ARHGAP35: variants seen among roughly 807,000 people sequenced by gnomAD.
ARHGAP35 encodes Rho GTPase activating protein 35.
In ARHGAP35, 15 loss-of-function variants were observed where a neutral mutation model predicts 111.1. That is an observed-to-expected ratio of 0.13 (90% confidence interval 0.09 to 0.21). The LOEUF (loss-of-function observed/expected upper bound fraction) is 0.21. Ranked by LOEUF, ARHGAP35 falls within the 10% of genes least tolerant of loss-of-function variation. The probability of loss-of-function intolerance (pLI) is 1.00; values close to 1 mark genes in which losing one functional copy is unlikely to be tolerated. For missense variants in ARHGAP35, 1,262 were observed against 1,873.0 expected, an observed-to-expected ratio of 0.67 and a Z score of 6.02; for synonymous variants, 643 against 710.3, an observed-to-expected ratio of 0.91 and a Z score of 1.51.
chr19:46,901,662 G>A lies in ARHGAP35; in HGVS notation c.-188-16826G>A, dbSNP rs529036317. Among the ~76,000 whole-genome samples the A allele has an allele frequency of 2.6e-5, 4 of 152,276 alleles. No homozygotes were observed. In the South Asian group the frequency reaches 6.2e-4, roughly 24 times the overall value. ...CGCGTAAGGCTGTGGGGATCCAGGC[G>A]ATCTAGATTCCCTGGCAGCAGATAC... On this transcript the variant is annotated intron_variant, in intron 1 of 6. Transcript: ENST00000672722. The surrounding 1 kb of genome is among the most constrained non-coding windows in gnomAD (Gnocchi z 4.5).
chr19:46,869,498 G>GTGTGTGTGTGTATTTGCAT (rs2055876526), intron 1 of ARHGAP35, among the ~76,000 whole-genome samples: 1 of 149,718 alleles, frequency 6.7e-6, no homozygotes, highest in Non-Finnish European at 1.5e-5. Context: ...GTGTGTGTGT[G>GTGTGTGTGTGTATTTGCAT]TGTGTGTGTG....
chr19:46,935,126 C>T (rs1179964919), intron 2 of ARHGAP35, among the ~76,000 whole-genome samples: 1 of 152,142 alleles, frequency 6.6e-6, no homozygotes, highest in Non-Finnish European at 1.5e-5. Flanking sequence ...AGCCTGTTTG[C>T]TTCAGTCTAT....
intron 1 of ARHGAP35, among the ~76,000 whole-genome samples, chr19:46,861,494 G>A (rs1276942767): frequency 7.1e-6 from 1 of 140,956 alleles, no homozygotes; most frequent in Non-Finnish European, 1.5e-5. Flanking sequence ...TGGGATCTCG[G>A]TGTCTGCCTC....
At chr19:46,932,395 C>T (rs1000523552) in intron 2 of ARHGAP35, among the ~76,000 whole-genome samples, 3 of 152,150 alleles carry the variant, frequency 2.0e-5, no homozygotes, top group Non-Finnish European at 4.4e-5. Context: ...TAAGTGCCTC[C>T]GGAAGAAGAT....
chr19:46,975,174 G>A (rs373968676), intron 3 of ARHGAP35, among the ~76,000 whole-genome samples: 5 of 152,160 alleles, frequency 3.3e-5, no homozygotes, highest in East Asian at 3.8e-4. Flanking sequence ...CTGGCCAGAA[G>A]GGGCTTGTTA....
intron 1 of ARHGAP35, among the ~76,000 whole-genome samples, chr19:46,873,474 A>G (rs2055898712): frequency 6.6e-6 from 1 of 151,834 alleles, no homozygotes; most frequent in Admixed American, 6.6e-5. Context: ...CTCTACTAAA[A>G]ATACAAAAAA....
chr19:46,941,012 G>C (rs1416893835), intron 3 of ARHGAP35, among the ~76,000 whole-genome samples: 1 of 147,114 alleles, frequency 6.8e-6, no homozygotes, highest in Non-Finnish European at 1.5e-5. Flanking sequence ...CAGCAAGACT[G>C]TTACTATGCC....
At chr19:46,890,954 T>G (rs1275325533) in intron 1 of ARHGAP35, among the ~76,000 whole-genome samples, 1 of 152,182 alleles carries the variant, frequency 6.6e-6, no homozygotes, top group African/African-American at 2.4e-5. Flanking sequence ...TGGAAATGAT[T>G]GGGTTGTGGC....
intron 1 of ARHGAP35, among the ~76,000 whole-genome samples, chr19:46,861,413 C>A (rs1014060138): frequency 6.7e-6 from 1 of 149,794 alleles, no homozygotes; most frequent in African/African-American, 2.5e-5. Context: ...GTGGGGCCCT[C>A]CTGCCCTTTG....
chr19:46,873,636 C>CAA (rs370925647), intron 1 of ARHGAP35, among the ~76,000 whole-genome samples: 1,339 of 131,738 alleles, frequency 0.01, 19 homozygotes, highest in South Asian at 8.6e-3. Flanking sequence ...GACTCTTTCT[C>CAA]AAAAAAAAAA....
chr19:46,959,288 T>G (rs1157830840), intron 3 of ARHGAP35, among the ~76,000 whole-genome samples: 1 of 152,072 alleles, frequency 6.6e-6, no homozygotes, highest in African/African-American at 2.4e-5. Flanking sequence ...GGTCTCAAAC[T>G]CCTGTGCTCA....
intron 1 of ARHGAP35, among the ~76,000 whole-genome samples, chr19:46,889,746 G>A (rs565030387): frequency 5.6e-4 from 52 of 93,238 alleles, no homozygotes; most frequent in African/African-American, 1.8e-3. Flanking sequence ...GCGAGACTCC[G>A]TCTCAAAAAA....
At chr19:46,870,007 C>T (rs1404108177) in intron 1 of ARHGAP35, among the ~76,000 whole-genome samples, 15 of 144,456 alleles carry the variant, frequency 1.0e-4, no homozygotes, top group Admixed American at 7.9e-4. Context: ...AGTGCAGTGG[C>T]GCCATCTCGA....
intron 1 of ARHGAP35, among the ~76,000 whole-genome samples, chr19:46,912,333 C>T (rs1426777204): frequency 4.7e-5 from 7 of 149,038 alleles, no homozygotes; most frequent in South Asian, 2.1e-4. Flanking sequence ...CATGAGTCAC[C>T]GTGCCCGGCC....
chr19:46,973,311 T>A lies in ARHGAP35; in HGVS notation c.3827-14678T>A, dbSNP rs1299992513. On this transcript the variant is annotated intron_variant, in intron 3 of 6. Coordinates refer to ENST00000672722, the MANE Select transcript of ARHGAP35 (RefSeq NM_004491.5). ...CCTGGGAGGCGGAGGTTGCAGTGAG[T>A]CGAGATCGTGCCGCTGCACTCCAGC... Among the ~76,000 whole-genome samples, 7 of 150,308 alleles carry A rather than the reference T, an allele frequency of 4.7e-5. 1 individual carries two copies. The South Asian group carries it at 1.5e-3, about 32-fold the overall frequency.
intron 1 of ARHGAP35, among the ~76,000 whole-genome samples, chr19:46,900,002 G>A (rs947894087): frequency 2.6e-5 from 4 of 152,042 alleles, no homozygotes; most frequent in African/African-American, 7.2e-5. Context: ...AATAAATAAT[G>A]AATTCTGATT....
At chr19:46,923,723 A>C (rs2122204469) in intron 2 of ARHGAP35, among the ~76,000 whole-genome samples, 1 of 151,922 alleles carries the variant, frequency 6.6e-6, no homozygotes, top group South Asian at 2.1e-4. Context: ...GTTTGAGACC[A>C]GCCTGGCCAA....
chr19:46,879,947 A>T (rs1285148032), intron 1 of ARHGAP35, among the ~76,000 whole-genome samples: 1 of 151,700 alleles, frequency 6.6e-6, no homozygotes, highest in Non-Finnish European at 1.5e-5. Context: ...TTAGCCAGGC[A>T]TGGTGGTATA....
At chr19:46,881,219 C>T (rs985649093) in intron 1 of ARHGAP35, among the ~76,000 whole-genome samples, 3 of 152,068 alleles carry the variant, frequency 2.0e-5, no homozygotes, top group Admixed American at 6.6e-5. Context: ...GGATTATAGG[C>T]GTGAGCCACT....
Sources: allele counts gnomAD v4.1 joint callset (sites outside exome capture counted in the v4.1 genomes callset), GRCh38; gene constraint gnomAD v4.1.1; non-coding constraint Gnocchi (gnomAD v3.1); transcripts MANE v1.5; gene names NCBI Gene and HGNC (gene_info 2026-07-23, HGNC 2026-07-21).